NINJ2: variants seen among roughly 807,000 people sequenced by gnomAD.
NINJ2 encodes the protein ninjurin 2.
NINJ2 carries 12 observed loss-of-function variants against 11.7 expected under a neutral mutation model. The observed-to-expected ratio is 1.02, with a 90% confidence interval of 0.66 to 1.66. The LOEUF (loss-of-function observed/expected upper bound fraction) is 1.66. Among genes scored for constraint, NINJ2 ranks in the 40% most tolerant of loss-of-function variants. NINJ2 has a pLI of 0.00. For synonymous variants in NINJ2, 93 were observed against 76.8 expected, an observed-to-expected ratio of 1.21 and a Z score of -1.10; for missense variants, 187 against 181.8, an observed-to-expected ratio of 1.03 and a Z score of -0.16.
chr12:611,613 G>A (rs1211294698), intron 1 of NINJ2, among the ~76,000 whole-genome samples: 2 of 152,276 alleles, frequency 1.3e-5, no homozygotes, highest in African/African-American at 4.8e-5. Flanking sequence ...TGGGATTATA[G>A]GCATGAGCCA....
intron 1 of NINJ2, chr12:642,910 T>G (rs1395601229): frequency 1.3e-5 from 2 of 149,362 alleles, no homozygotes; most frequent in Non-Finnish European, 3.0e-5. Context: ...CCGCGGGCCC[T>G]GCGCCCTCGC....
intron 1 of NINJ2, among the ~76,000 whole-genome samples, chr12:625,950 A>G (rs1341352800): frequency 1.3e-5 from 2 of 152,228 alleles, no homozygotes; most frequent in Non-Finnish European, 1.5e-5. Flanking sequence ...GTAGATGATC[A>G]ATGAATATGA....
At chr12:643,537 A>C in intron 1 of NINJ2, 1 of 988,030 alleles carries the variant, frequency 1.0e-6, no homozygotes, top group African/African-American at 1.7e-5. Flanking sequence ...TAATCCTCCC[A>C]AGACCTGTGG....
Position 631,211 on chromosome 12 carries a change from G to A in NINJ2, c.33+32117C>T, listed in dbSNP as rs1175543760. Among the ~76,000 whole-genome samples, 8 of 152,206 alleles carry A rather than the reference G, an allele frequency of 5.3e-5. No homozygotes were observed. The East Asian group carries it at 1.4e-3, about 26-fold the overall frequency. On this transcript the variant is annotated intron_variant, in intron 1 of 3. Coordinates refer to ENST00000305108, the MANE Select transcript of NINJ2 (RefSeq NM_016533.6). ...CATATAACAGAACAGGATGCTCTCC[G>A]GACAAACGTTCTGAAGGAAAAGCAA...
rs1488905112 is a variant in NINJ2, at chr12:633,704, A to G, written c.33+29624T>C. ...GTGCCACATGCCTGTAGTCCCAGCT[A>G]CTCAGGAGGCTGAGGCAGGAGAATC... On this transcript the variant is annotated intron_variant, in intron 1 of 3. Transcript: ENST00000305108. This position sits in a 1 kb window ranked among gnomAD's most constrained non-coding sequence, Gnocchi z 4.3. Among the ~76,000 whole-genome samples the G allele has an allele frequency of 1.3e-5, 2 of 152,240 alleles. No individual in the cohort carries two copies. Among genetic ancestry groups the G allele is most frequent in the Non-Finnish European group, 1.5e-5 (1 of 68,016 alleles).
At chr12:609,909 T>C (rs1285793984) in intron 1 of NINJ2, among the ~76,000 whole-genome samples, 2 of 144,032 alleles carry the variant, frequency 1.4e-5, no homozygotes, top group Non-Finnish European at 3.0e-5. Flanking sequence ...ACCACTGCAC[T>C]CCAGCCTGGG....
At chr12:658,695 GC>G (rs1565651066) in intron 1 of NINJ2, among the ~76,000 whole-genome samples, 3 of 150,844 alleles carry the variant, frequency 2.0e-5, no homozygotes, top group Non-Finnish European at 4.4e-5. Flanking sequence ...GCTATGCTAT[GC>G]TATGCTATGC....
At chr12:604,903 C>T (rs1434631430) in intron 1 of NINJ2, among the ~76,000 whole-genome samples, 1 of 152,234 alleles carries the variant, frequency 6.6e-6, no homozygotes, top group Non-Finnish European at 1.5e-5. Context: ...CAGAGCAGTG[C>T]TCTTGCGGTG....
chr12:651,085 A>G (rs1459520555), intron 1 of NINJ2, among the ~76,000 whole-genome samples: 1 of 151,692 alleles, frequency 6.6e-6, no homozygotes, highest in Non-Finnish European at 1.5e-5. Flanking sequence ...CTCCAGGGTG[A>G]CCCAGTCATG....
chr12:658,730 T>C (rs1319904708), intron 1 of NINJ2, among the ~76,000 whole-genome samples: 1 of 123,890 alleles, frequency 8.1e-6, no homozygotes, highest in Non-Finnish European at 1.7e-5. Flanking sequence ...GCTATGCTAA[T>C]GCTATGCTAT....
intron 1 of NINJ2, among the ~76,000 whole-genome samples, chr12:605,209 T>C (rs971026549): frequency 6.6e-6 from 1 of 152,196 alleles, no homozygotes; most frequent in Non-Finnish European, 1.5e-5. Flanking sequence ...GTCTGCAAAG[T>C]GCTGCTCTAG....
intron 1 of NINJ2, among the ~76,000 whole-genome samples, chr12:601,477 G>T (rs1315660222): frequency 6.6e-6 from 1 of 151,944 alleles, no homozygotes; most frequent in Non-Finnish European, 1.5e-5. Flanking sequence ...GAACCTGGGA[G>T]GCGGAGCTTA....
At chr12:657,407 G>C (rs1337984081) in intron 1 of NINJ2, among the ~76,000 whole-genome samples, 1 of 151,978 alleles carries the variant, frequency 6.6e-6, no homozygotes, top group African/African-American at 2.4e-5. Flanking sequence ...GGCCAACATA[G>C]TGAAACCCCG....
At position 591,363 on chromosome 12, in the gene NINJ2, G is replaced by A. The variant is rs1947713168; in HGVS notation, c.34-25185C>T. 1 of 152,190 alleles carries A rather than the reference G, an allele frequency of 6.6e-6. No homozygotes were observed. The highest frequency in any genetic ancestry group is 2.4e-5 in the African/African-American group (1 of 41,406). 9.4% of individuals were successfully genotyped at this position (152,190 alleles called of 1,614,324 possible). A position where few individuals can be genotyped will look rare whatever the true frequency, so the allele number is the denominator to read the frequency against. ...ACCTCCTGCTTGCTGAGAGCACTTT[G>A]GTGGGCAGAAATAGCCCTGTCACTC... On this transcript the variant is annotated intron_variant, in intron 1 of 3. Transcript: ENST00000305108. The surrounding 1 kb of genome is among the most constrained non-coding windows in gnomAD (Gnocchi z 5.0).
chr12:594,540 C>T (rs906745890), intron 1 of NINJ2, among the ~76,000 whole-genome samples: 1 of 152,088 alleles, frequency 6.6e-6, no homozygotes, highest in African/African-American at 2.4e-5. Flanking sequence ...GTAATTCCAA[C>T]ACTTTGGGAG....
At chr12:661,766 A>G (rs561311313) in intron 1 of NINJ2, among the ~76,000 whole-genome samples, 1 of 152,268 alleles carries the variant, frequency 6.6e-6, no homozygotes, top group Non-Finnish European at 1.5e-5. Flanking sequence ...TACTAGGGAC[A>G]GAAGACATGG....
At chr12:624,808 C>A (rs1423695313) in intron 1 of NINJ2, among the ~76,000 whole-genome samples, 92 of 129,652 alleles carry the variant, frequency 7.1e-4, no homozygotes, top group East Asian at 8.9e-4. Context: ...GACTCCATCT[C>A]AAAAAAAAAA....
At chr12:568,886 C>T (rs989617493) in intron 1 of NINJ2, among the ~76,000 whole-genome samples, 1 of 127,976 alleles carries the variant, frequency 7.8e-6, no homozygotes, top group African/African-American at 3.6e-5. Context: ...ACCCCCCCCC[C>T]CCCGCCCCCC....
At chr12:569,551 AC>A (rs1239624099) in intron 1 of NINJ2, among the ~76,000 whole-genome samples, 2 of 151,958 alleles carry the variant, frequency 1.3e-5, no homozygotes, top group African/African-American at 2.4e-5. Flanking sequence ...AGGGAGACAG[AC>A]CCCCTTCCCC....
Sources: gnomAD v4.1 joint callset for allele counts (sites outside exome capture counted in the v4.1 genomes callset) on GRCh38, gnomAD v4.1.1 for gene constraint, Gnocchi (gnomAD v3.1) non-coding constraint, MANE v1.5 for transcripts, NCBI Gene and HGNC (gene_info 2026-07-23, HGNC 2026-07-21) for gene names.